Variants in AGAP1 observed in about 807,000 individuals in gnomAD.
AGAP1 encodes ArfGAP with GTPase domain, ankyrin repeat and PH domain 1, also known as arf-GAP with GTPase, ANK repeat and PH domain-containing protein 1.
In AGAP1, 29 loss-of-function variants were observed where a neutral mutation model predicts 105.3. That is an observed-to-expected ratio of 0.28 (90% CI 0.21 to 0.38). AGAP1 has a LOEUF of 0.38. Among genes scored for constraint, AGAP1 ranks in the 10% least tolerant of loss-of-function variants. The pLI, the probability that AGAP1 is intolerant of heterozygous loss-of-function variation, is 1.00. For missense variants in AGAP1, 998 were observed against 1,165.1 expected, an observed-to-expected ratio of 0.86 and a Z score of 2.09; for synonymous variants, 509 against 485.9, an observed-to-expected ratio of 1.05 and a Z score of -0.63.
intron 1 of AGAP1, among the ~76,000 whole-genome samples, chr2:235,693,002 C>G (rs1439818688): frequency 6.6e-6 from 1 of 151,980 alleles, no homozygotes; most frequent in Non-Finnish European, 1.5e-5. Context: ...TGGCTGAGGC[C>G]CAGTGTGGAC....
At chr2:235,634,869 C>T (rs1433203274) in intron 1 of AGAP1, among the ~76,000 whole-genome samples, 5 of 152,248 alleles carry the variant, frequency 3.3e-5, no homozygotes, top group East Asian at 1.9e-4. Context: ...TTCCGGCACA[C>T]GCTTTGGCTG....
intron 9 of AGAP1, among the ~76,000 whole-genome samples, chr2:235,828,070 A>C (rs1482266022): frequency 1.3e-5 from 2 of 152,240 alleles, no homozygotes; most frequent in Non-Finnish European, 2.9e-5. Flanking sequence ...AGATGAGAGC[A>C]GATGGGGATC....
intron 13 of AGAP1, among the ~76,000 whole-genome samples, chr2:236,006,783 G>A (rs2056337021): frequency 6.6e-6 from 1 of 152,162 alleles, no homozygotes; most frequent in South Asian, 2.1e-4. Flanking sequence ...AATGGAAAAG[G>A]TAGATAAGCC....
At chr2:236,079,895 A>C (rs2058737816) in intron 16 of AGAP1, among the ~76,000 whole-genome samples, 1 of 152,238 alleles carries the variant, frequency 6.6e-6, no homozygotes, top group Middle Eastern at 3.2e-3. Flanking sequence ...GATTTTACTT[A>C]CCTGGCAAGT....
intron 1 of AGAP1, among the ~76,000 whole-genome samples, chr2:235,648,923 G>A (rs541694760): frequency 8.0e-5 from 12 of 150,492 alleles, no homozygotes; most frequent in Admixed American, 2.0e-4. Context: ...ACCTCAGTTC[G>A]CAGGACTTCG....
Position 235,875,317 on chromosome 2 carries a change from A to C in AGAP1, c.1051-8028A>C, listed in dbSNP as rs1012749721. On this transcript the variant is annotated intron_variant, in intron 9 of 17. Coordinates refer to ENST00000304032, the MANE Select transcript of AGAP1 (RefSeq NM_001037131.3). The surrounding 1 kb of genome is among the most constrained non-coding windows in gnomAD (Gnocchi z 4.0). The stretch of plus-strand genomic sequence containing the variant: ...GTATTTTAAATTGTTGGGATGAACA[A>C]GCACTTTGGGTTCCTGAGATCTTAG... Among the ~76,000 whole-genome samples, 2 of 152,210 alleles carry C rather than the reference A, an allele frequency of 1.3e-5. No homozygotes were observed. Among genetic ancestry groups the C allele is most frequent in the Admixed American group, 6.5e-5 (1 of 15,290 alleles).
intron 16 of AGAP1, among the ~76,000 whole-genome samples, chr2:236,099,816 G>A (rs1331418483): frequency 6.6e-6 from 1 of 152,100 alleles, no homozygotes; most frequent in Non-Finnish European, 1.5e-5. Flanking sequence ...GAGACAGGTG[G>A]ATCACCTGAG....
chr2:235,754,362 T>C lies in AGAP1; in HGVS notation c.673+3874T>C, dbSNP rs575299494. Among the ~76,000 whole-genome samples, 1 of 152,068 alleles carries C rather than the reference T, an allele frequency of 6.6e-6. No homozygotes were observed. Among genetic ancestry groups the C allele is most frequent in the Admixed American group, 6.5e-5 (1 of 15,278 alleles). ...TTTGTTTATTTACTTTTTATACCTG[T>C]ATATGGTAGAAAGAAAACATAAAGG... On this transcript the variant is annotated intron_variant, in intron 6 of 17. Coordinates refer to ENST00000304032, the MANE Select transcript of AGAP1 (RefSeq NM_001037131.3). The surrounding 1 kb of genome is among the most constrained non-coding windows in gnomAD (Gnocchi z 4.6).
At chr2:236,043,715 C>T (rs1262273649) in intron 15 of AGAP1, among the ~76,000 whole-genome samples, 2 of 144,518 alleles carry the variant, frequency 1.4e-5, no homozygotes, top group Non-Finnish European at 3.0e-5. Context: ...AGTGAGATTT[C>T]GTCTCAAGGG....
At chr2:235,774,981 C>T (rs1340411389) in intron 6 of AGAP1, among the ~76,000 whole-genome samples, 1 of 152,062 alleles carries the variant, frequency 6.6e-6, no homozygotes, top group African/African-American at 2.4e-5. Flanking sequence ...TTCTGAGAGC[C>T]AAATTTATTT....
intron 1 of AGAP1, among the ~76,000 whole-genome samples, chr2:235,657,897 C>G (rs868114142): frequency 1.3e-5 from 2 of 152,126 alleles, no homozygotes; most frequent in Non-Finnish European, 2.9e-5. Context: ...GAGATTAAGA[C>G]GCAGACACAC....
rs147024649 is a variant in AGAP1, at chr2:236,019,894, G to A, written c.1646-16667G>A. ...GCCAAATGCCCCGGCAGTCTCCCCAGTGCCCCGTGTGGGTCCCCACTGTGA... is the reference window on the plus strand; with the variant it reads ...GCCAAATGCCCCGGCAGTCTCCCCAATGCCCCGTGTGGGTCCCCACTGTGA... On this transcript the variant is annotated intron_variant, in intron 13 of 17. Transcript: ENST00000304032. 5.8e-3 allele frequency among the ~76,000 whole-genome samples: 880 copies of A among 152,340 alleles called. 4 individuals carry two copies. The highest frequency in any genetic ancestry group is 0.02 in the African/African-American group (830 of 41,586).
rs763676504 is a variant in AGAP1 at position 236,082,332 on chromosome 2, C to A, written c.2114+33051C>A. ...GGCTTTTCCACTGTAATTTCCTCTG[C>A]CAGCTAATTTAATTAATCACCCCCA... On this transcript the variant is annotated intron_variant, in intron 16 of 17. Transcript: ENST00000304032. The surrounding 1 kb of genome is among the most constrained non-coding windows in gnomAD (Gnocchi z 4.2). Among the ~76,000 whole-genome samples, 1 of 152,322 alleles carries A rather than the reference C, an allele frequency of 6.6e-6. No homozygotes were observed. The highest frequency in any genetic ancestry group is 1.9e-4 in the East Asian group (1 of 5,186).
intron 1 of AGAP1, among the ~76,000 whole-genome samples, chr2:235,629,749 G>A (rs1035214573): frequency 4.0e-5 from 6 of 150,618 alleles, no homozygotes; most frequent in Non-Finnish European, 7.4e-5. Flanking sequence ...GTGGTGGCGT[G>A]TACTTGTAGT....
chr2:236,048,173 A>G (rs189514199), intron 15 of AGAP1, among the ~76,000 whole-genome samples: 131 of 152,336 alleles, frequency 8.6e-4, no homozygotes, highest in African/African-American at 3.0e-3. Flanking sequence ...AAAGCCAGTG[A>G]CTATCAAGGT....
chr2:235,671,150 G>T (rs1000218020), intron 1 of AGAP1: 9 of 1,213,664 alleles, frequency 7.4e-6, no homozygotes, highest in Non-Finnish European at 7.2e-6. Flanking sequence ...CTCCCGGGTC[G>T]GGAGCCTGCA....
At chr2:236,097,320 C>T (rs1345473304) in intron 16 of AGAP1, among the ~76,000 whole-genome samples, 1 of 148,638 alleles carries the variant, frequency 6.7e-6, no homozygotes, top group African/African-American at 2.5e-5. Context: ...AAAGGAGCAC[C>T]AGATTCTGGA....
intron 1 of AGAP1, among the ~76,000 whole-genome samples, chr2:235,540,914 C>T (rs754892715): frequency 2.6e-5 from 4 of 152,140 alleles, no homozygotes; most frequent in Non-Finnish European, 4.4e-5. Context: ...TTTGCAGCCA[C>T]TTTTTACCCA....
At chr2:235,818,258 TGTTCTAGACGAAGA>T (rs1293390862) in intron 9 of AGAP1, among the ~76,000 whole-genome samples, 1 of 152,242 alleles carries the variant, frequency 6.6e-6, no homozygotes, top group Non-Finnish European at 1.5e-5. Context: ...CTTGCTACTC[TGTTCTAGACGAAGA>T]GTTTGAGGTT....
Sources: gnomAD v4.1 joint callset for allele counts (sites outside exome capture counted in the v4.1 genomes callset) on GRCh38, gnomAD v4.1.1 for gene constraint, Gnocchi (gnomAD v3.1) non-coding constraint, MANE v1.5 for transcripts, NCBI Gene and HGNC (gene_info 2026-07-23, HGNC 2026-07-21) for gene names.